Variants in SYNE1 observed in about 807,000 individuals in gnomAD.
SYNE1 encodes the protein nesprin-1.
Under a neutral mutation model 1,111.0 loss-of-function variants are expected in SYNE1, and 616 were observed. The observed-to-expected ratio is 0.55, with a 90% CI of 0.52 to 0.59. The LOEUF (loss-of-function observed/expected upper bound fraction) is 0.59. SYNE1 is among the 20% of genes least tolerant of loss of function. The pLI is 0.00. For synonymous variants in SYNE1, 3,855 were observed against 3,825.8 expected, an observed-to-expected ratio of 1.01 and a Z score of -0.28; for missense variants, 10,006 against 10,417.0, an observed-to-expected ratio of 0.96 and a Z score of 1.72.
intron 119 of SYNE1, 40 bp from the exon 120 acceptor site, chr6:152,219,225 A>C: frequency 6.3e-7 from 1 of 1,590,128 alleles, no homozygotes; most frequent in Non-Finnish European, 8.6e-7. Flanking sequence ...AAGCATGTTG[A>C]TACTCCTTAT....
chr6:152,311,337 A>C (rs1024801270), intron 87 of SYNE1, among the ~76,000 whole-genome samples: 4 of 152,244 alleles, frequency 2.6e-5, no homozygotes, highest in Admixed American at 6.5e-5. Flanking sequence ...CAAGAGCATT[A>C]CAAGCAAAAA....
chr6:152,568,656 G>A (rs1431628764), intron 3 of SYNE1, among the ~76,000 whole-genome samples: 1 of 152,012 alleles, frequency 6.6e-6, no homozygotes. Flanking sequence ...ATAGAGTGCA[G>A]TGGCTATTCA....
rs775026846 is a variant in SYNE1 at position 152,381,312 on chromosome 6, C to G, written c.8703G>C (p.Glu2901Asp). ...TCTGTTTCACTTCGGGAGCCAGCGA[C>G]TCCACTCTGCTGAGACGGCTTGCAC... ...EIGASRLSRV[E>D]SLAPEVKQNT... is the part of the protein sequence containing the mutation. Residue 2901 changes from glutamate to aspartate, a missense_variant, in exon 56 of 146, where the codon GAG becomes GAC. Coordinates refer to ENST00000367255, the MANE Select transcript of SYNE1 (RefSeq NM_182961.4). 1.2e-6 allele frequency: 2 copies of G among 1,614,168 alleles called. No homozygotes were observed.
intron 14 of SYNE1, among the ~76,000 whole-genome samples, chr6:152,482,407 A>G (rs944128222): frequency 5.3e-5 from 8 of 152,096 alleles, no homozygotes; most frequent in African/African-American, 1.9e-4. Flanking sequence ...AGAAATCTCT[A>G]TTTTTCACAT....
At chr6:152,333,669 G>T (rs2153980695) in intron 77 of SYNE1, among the ~76,000 whole-genome samples, 1 of 152,184 alleles carries the variant, frequency 6.6e-6, no homozygotes, top group South Asian at 2.1e-4. Context: ...GTCTTGCTCT[G>T]TCACCCAGGC....
intron 54 of SYNE1, among the ~76,000 whole-genome samples, chr6:152,386,600 T>C (rs185686966): frequency 7.1e-4 from 108 of 152,282 alleles, no homozygotes; most frequent in Admixed American, 1.1e-3. Context: ...ATTGGAAAGA[T>C]ATTTTTGATA....
intron 129 of SYNE1, among the ~76,000 whole-genome samples, chr6:152,177,434 G>A (rs183903533): frequency 5.8e-4 from 89 of 152,234 alleles, no homozygotes; most frequent in Admixed American, 5.5e-3. Context: ...CTCCTGTTAC[G>A]TAATAAATAG....
chr6:152,321,642 C>G, intron 83 of SYNE1, 79 bp downstream of exon 83: 9 of 1,555,532 alleles, frequency 5.8e-6, no homozygotes, highest in Non-Finnish European at 8.0e-6. Flanking sequence ...TCAATAAATA[C>G]AAACAAGTAT....
At chr6:152,128,093 A>C (rs533454720) in intron 145 of SYNE1, 2 of 152,202 alleles carry the variant, frequency 1.3e-5, no homozygotes, top group South Asian at 4.1e-4. Flanking sequence ...AATTGGAGTG[A>C]AATCTTTCTA....
intron 6 of SYNE1, among the ~76,000 whole-genome samples, chr6:152,517,338 C>G (rs2099117224): frequency 6.6e-6 from 1 of 152,184 alleles, no homozygotes; most frequent in Non-Finnish European, 1.5e-5. Context: ...TTTGGTATTA[C>G]TAAGCACAGG....
intron 87 of SYNE1, among the ~76,000 whole-genome samples, chr6:152,314,940 T>G (rs75349447): frequency 7.9e-6 from 1 of 126,888 alleles, no homozygotes; most frequent in African/African-American, 2.8e-5. Context: ...TGCAGTGAGC[T>G]GAGATCACGC....
chr6:152,173,071 C>T (rs982207748), intron 130 of SYNE1, among the ~76,000 whole-genome samples: 6 of 152,224 alleles, frequency 3.9e-5, no homozygotes, highest in Admixed American at 3.9e-4. Flanking sequence ...GAACATTATT[C>T]ACTGAGTCCT....
intron 11 of SYNE1, 54 bp downstream of exon 11, chr6:152,498,688 C>T: frequency 8.0e-7 from 1 of 1,251,170 alleles, no homozygotes; most frequent in Non-Finnish European, 1.1e-6. Context: ...TAAAATGCTA[C>T]AGAATGCAGG....
At chr6:152,474,365 T>C (rs1234783602) in intron 14 of SYNE1, among the ~76,000 whole-genome samples, 1 of 152,052 alleles carries the variant, frequency 6.6e-6, no homozygotes, top group Non-Finnish European at 1.5e-5. Flanking sequence ...ACCCAAAAAC[T>C]AGATCACAGA....
chr6:152,302,395 C>T, intron 91 of SYNE1: 1 of 437,672 alleles, frequency 2.3e-6, no homozygotes, highest in Non-Finnish European at 4.2e-6. Context: ...GAACTGACAA[C>T]TCTCTTTAAA....
intron 58 of SYNE1, 99 bp downstream of exon 58, chr6:152,376,282 T>G (rs1400680156): frequency 2.2e-6 from 3 of 1,339,388 alleles, no homozygotes; most frequent in Non-Finnish European, 3.2e-6. Flanking sequence ...GCCAGGGACC[T>G]GTACCAGTCC....
At chr6:152,350,140 A>G in intron 72 of SYNE1, 28 bp downstream of exon 72, 1 of 1,612,334 alleles carries the variant, frequency 6.2e-7, no homozygotes, top group Non-Finnish European at 8.5e-7. Flanking sequence ...AGCCATCCCA[A>G]AGGCAGCCCT....
chr6:152,468,730 G>T (rs1318466240), intron 16 of SYNE1, among the ~76,000 whole-genome samples: 1 of 151,992 alleles, frequency 6.6e-6, no homozygotes, highest in African/African-American at 2.4e-5. Context: ...ATATTACTTT[G>T]GTTATTAGAT....
chr6:152,479,172 G>A (rs2098860665), intron 14 of SYNE1, among the ~76,000 whole-genome samples: 1 of 152,124 alleles, frequency 6.6e-6, no homozygotes, highest in African/African-American at 2.4e-5. Flanking sequence ...GCTAGGGTTG[G>A]GTGTAGGACA....
Sources: gnomAD v4.1 joint callset for allele counts (sites outside exome capture counted in the v4.1 genomes callset) on GRCh38, gnomAD v4.1.1 for gene constraint, MANE v1.5 for transcripts, NCBI Gene and HGNC (gene_info 2026-07-23, HGNC 2026-07-21) for gene names.